The following LDB2 variants were observed in gnomAD, a reference collection of about 807,000 sequenced individuals.
LDB2 encodes the protein LIM domain-binding protein 2.
LDB2 carries 12 observed loss-of-function variants against 44.3 expected under a neutral mutation model. The ratio of observed to expected loss-of-function variants is 0.27; its 90% confidence interval spans 0.17 to 0.44. LDB2 has a LOEUF of 0.44. Ranked by LOEUF, LDB2 falls within the 20% of genes least tolerant of loss-of-function variation. The pLI is 1.00. For missense variants in LDB2, 344 were observed against 473.5 expected, an observed-to-expected ratio of 0.73 and a Z score of 2.54; for synonymous variants, 164 against 174.8, an observed-to-expected ratio of 0.94 and a Z score of 0.49.
At position 16,649,917 on chromosome 4, in the gene LDB2, C is replaced by A. The variant is rs115478931; in HGVS notation, c.236-54042G>T. 3.3e-5 allele frequency among the ~76,000 whole-genome samples: 5 copies of A among 152,098 alleles called. No homozygotes were observed. The East Asian group carries it at 5.8e-4, about 18-fold the overall frequency. On this transcript the variant is annotated intron_variant, in intron 2 of 7. Transcript: ENST00000304523. The stretch of plus-strand genomic sequence containing the variant: ...GGCTGAAACTGGCTGAGAAAATATC[C>A]GCAAGTAATATTCATATTTTCCTCC...
At chr4:16,518,484 G>T (rs28514551) in intron 5 of LDB2, among the ~76,000 whole-genome samples, 3 of 147,220 alleles carry the variant, frequency 2.0e-5, no homozygotes, top group South Asian at 4.3e-4. Context: ...TGCTTGTGTT[G>T]TTTTTTTTTT....
chr4:16,610,409 A>C (rs750069518), intron 2 of LDB2, among the ~76,000 whole-genome samples: 4 of 152,182 alleles, frequency 2.6e-5, no homozygotes, highest in Non-Finnish European at 5.9e-5. Flanking sequence ...GTAATAAAAA[A>C]CTATGATGAA....
chr4:16,746,592 G>C (rs934729900), intron 2 of LDB2, among the ~76,000 whole-genome samples: 1 of 152,188 alleles, frequency 6.6e-6, no homozygotes, highest in African/African-American at 2.4e-5. Context: ...TTTGAGATCA[G>C]CCTGGCCAAC....
At chr4:16,721,153 T>C (rs1204710942) in intron 2 of LDB2, among the ~76,000 whole-genome samples, 2 of 152,212 alleles carry the variant, frequency 1.3e-5, no homozygotes, top group Non-Finnish European at 2.9e-5. Flanking sequence ...AGTAAGTGTA[T>C]GCTTGGACTG....
chr4:16,588,651 G>A (rs1717849285), intron 4 of LDB2, 59 bp downstream of exon 4: 3 of 1,563,904 alleles, frequency 1.9e-6, no homozygotes, highest in African/African-American at 1.4e-5. Context: ...TTTTCCCCTT[G>A]AGTGAAATGA....
chr4:16,552,672 T>A lies in LDB2; in HGVS notation c.615+33250A>T, dbSNP rs540493888. Among the ~76,000 whole-genome samples the A allele has an allele frequency of 2.1e-3, 314 of 152,308 alleles. 1 individual carries two copies. Among genetic ancestry groups the A allele is most frequent in the African/African-American group, 7.4e-3 (308 of 41,568 alleles). On this transcript the variant is annotated intron_variant, in intron 5 of 7. Transcript: ENST00000304523. ...TTCCCGGAAGCTGACTGCTTTAATA[T>A]CAAATCCAAGCAATAGCTCCTTTCT...
chr4:16,591,105 G>C (rs1367627283), intron 3 of LDB2, among the ~76,000 whole-genome samples: 1 of 152,140 alleles, frequency 6.6e-6, no homozygotes, highest in Non-Finnish European at 1.5e-5. Context: ...TAAAGGGGGA[G>C]ATTATTGGAT....
At chr4:16,618,434 CTAATAAGAGT>C (rs1252282896) in intron 2 of LDB2, among the ~76,000 whole-genome samples, 2 of 152,226 alleles carry the variant, frequency 1.3e-5, no homozygotes, top group Non-Finnish European at 2.9e-5. Context: ...CACCCAGCAC[CTAATAAGAGT>C]GATGCCTTGT....
rs1262990993 is a variant in LDB2 at position 16,622,580 on chromosome 4, G to C, written c.236-26705C>G. Among the ~76,000 whole-genome samples the C allele has an allele frequency of 3.9e-5, 6 of 152,206 alleles. No individual in the cohort carries two copies. The East Asian group carries it at 1.2e-3, about 29-fold the overall frequency. On this transcript the variant is annotated intron_variant, in intron 2 of 7. Coordinates refer to ENST00000304523, the MANE Select transcript of LDB2 (RefSeq NM_001290.5). ...TCTGAATGAAAAGCTTTAAAGTTCA[G>C]CTTTTCCTCTGCAGATAGAAACTAT...
chr4:16,894,390 C>T lies in LDB2; in HGVS notation c.132+3964G>A, dbSNP rs535411955. On this transcript the variant is annotated intron_variant, in intron 1 of 7. Coordinates refer to ENST00000304523, the MANE Select transcript of LDB2 (RefSeq NM_001290.5). ...TCATTTTAAAGGGTGGGAAGAGCAC[C>T]CACACATTTCTTTATTAAATTCCAC... 2.6e-5 allele frequency among the ~76,000 whole-genome samples: 4 copies of T among 152,048 alleles called. No homozygotes were observed. The South Asian group carries it at 8.3e-4, about 32-fold the overall frequency.
At chr4:16,703,389 A>G (rs1753919772) in intron 2 of LDB2, among the ~76,000 whole-genome samples, 1 of 152,230 alleles carries the variant, frequency 6.6e-6, no homozygotes, top group African/African-American at 2.4e-5. Flanking sequence ...TGTGTAAGGT[A>G]GACAGAGAGC....
chr4:16,683,759 A>G (rs1352291699), intron 2 of LDB2, among the ~76,000 whole-genome samples: 1 of 152,234 alleles, frequency 6.6e-6, no homozygotes, highest in Non-Finnish European at 1.5e-5. Flanking sequence ...TCAGCAGCTT[A>G]GCACAACAGA....
chr4:16,521,765 A>ATTGT (rs1165498457), intron 5 of LDB2, among the ~76,000 whole-genome samples: 2 of 152,104 alleles, frequency 1.3e-5, no homozygotes, highest in Non-Finnish European at 2.9e-5. Flanking sequence ...TCTTCCTGTG[A>ATTGT]TTGTTTGTCC....
intron 2 of LDB2, among the ~76,000 whole-genome samples, chr4:16,717,713 C>T (rs962097521): frequency 1.3e-5 from 2 of 152,110 alleles, no homozygotes; most frequent in Non-Finnish European, 2.9e-5. Flanking sequence ...AAACACCTCC[C>T]CTTGGCTGGA....
intron 5 of LDB2, among the ~76,000 whole-genome samples, chr4:16,572,115 C>A (rs962397648): frequency 6.6e-6 from 1 of 152,134 alleles, no homozygotes; most frequent in East Asian, 1.9e-4. Flanking sequence ...CAGTGAAGCC[C>A]GCCAGTTCCT....
intron 2 of LDB2, among the ~76,000 whole-genome samples, chr4:16,602,550 T>C (rs1324174083): frequency 1.3e-5 from 2 of 152,210 alleles, no homozygotes; most frequent in Non-Finnish European, 2.9e-5. Flanking sequence ...TTCCGTTTTA[T>C]CCTTAGTGCA....
At position 16,503,016 on chromosome 4, in the gene LDB2, G is replaced by A. The variant is rs147702481; in HGVS notation, c.892-143C>T. 3,356 of 1,574,042 alleles carry A rather than the reference G, an allele frequency of 2.1e-3. 8 individuals are homozygous for A. Among genetic ancestry groups the A allele is most frequent in the Non-Finnish European group, 2.6e-3 (2,983 of 1,162,634 alleles). On this transcript the variant is annotated intron_variant, in intron 7 of 7. Transcript: ENST00000304523. ...GGGTCAAGTCTCAATGTCGGGGGCC[G>A]AGACGCATATTTGATTTCTACAGGA...
chr4:16,834,719 G>T (rs1784616893), intron 1 of LDB2, among the ~76,000 whole-genome samples: 1 of 152,002 alleles, frequency 6.6e-6, no homozygotes, highest in Non-Finnish European at 1.5e-5. Context: ...CCCCTCTACT[G>T]GGGAGGCTGA....
At chr4:16,819,201 G>T (rs975571940) in intron 1 of LDB2, among the ~76,000 whole-genome samples, 1 of 151,860 alleles carries the variant, frequency 6.6e-6, no homozygotes, top group South Asian at 2.1e-4. Context: ...ACTGGGCTAG[G>T]TGACCTTTTA....
Sources: gnomAD v4.1 joint callset for allele counts (sites outside exome capture counted in the v4.1 genomes callset) on GRCh38, gnomAD v4.1.1 for gene constraint, MANE v1.5 for transcripts, NCBI Gene and HGNC (gene_info 2026-07-23, HGNC 2026-07-21) for gene names.